The following PTPN21 variants were observed in gnomAD, a reference collection of about 807,000 sequenced individuals.
PTPN21 encodes the protein tyrosine-protein phosphatase non-receptor type 21.
A neutral mutation model predicts 131.8 loss-of-function variants in PTPN21; 77 were observed. That is an observed-to-expected ratio of 0.58 (90% CI 0.49 to 0.71). PTPN21 has a LOEUF of 0.71. PTPN21 is among the 30% of genes least tolerant of loss of function. PTPN21 has a pLI of 0.00. For missense variants in PTPN21, 1,552 were observed against 1,527.1 expected (o/e 1.02, Z -0.27); for synonymous variants, 715 against 621.3 (o/e 1.15, Z -2.24).
At chr14:88,511,016 G>T (rs1251648620) in intron 3 of PTPN21, among the ~76,000 whole-genome samples, 1 of 151,530 alleles carries the variant, frequency 6.6e-6, no homozygotes, top group East Asian at 2.0e-4. Context: ...GGACTCAAGT[G>T]ATCCTTGAGC....
chr14:88,480,373 A>C, intron 12 of PTPN21, 21 bp from the exon 13 acceptor site: 1 of 1,565,120 alleles, frequency 6.4e-7, no homozygotes, highest in Non-Finnish European at 8.8e-7. Context: ...TGAGTTCAAA[A>C]TGAGATTTTT....
In PTPN21 at chr14:88,472,325, A is replaced by G. The variant is rs2077484244; in HGVS notation, c.2790T>C (p.Val930=). ...CCACTCTCACATCATCATAAGGAAG[A>G]ACATCTTGGAATCGATTTCTTTCTG... The part of the protein sequence containing the change: ...ENAERNRFQD[V]LPYDDVRVEL... The change falls in exon 15 of 19, where the codon GTT becomes GTC. Residue 930 remains valine, a synonymous_variant. Transcript: ENST00000556564. The G allele has an allele frequency of 6.2e-7, 1 of 1,613,992 alleles. No individual in the cohort carries two copies. Among genetic ancestry groups the G allele is most frequent in the Admixed American group, 1.7e-5 (1 of 60,018 alleles).
At chr14:88,535,422 A>C (rs2078615877) in intron 2 of PTPN21, among the ~76,000 whole-genome samples, 1 of 152,192 alleles carries the variant, frequency 6.6e-6, no homozygotes, top group Non-Finnish European at 1.5e-5. Context: ...CTAGATTTGC[A>C]GGCAAAAGGC....
At chr14:88,485,686 T>G (rs1440999202) in intron 11 of PTPN21, 96 bp downstream of exon 11, 2 of 900,924 alleles carry the variant, frequency 2.2e-6, no homozygotes, top group Non-Finnish European at 3.5e-6. Flanking sequence ...TACACTTTTA[T>G]GGTTCAAACT....
chr14:88,496,511 A>T lies in PTPN21; in HGVS notation c.853-19T>A. 6.4e-7 allele frequency: 1 copy of T among 1,573,376 alleles called. No individual in the cohort carries two copies. ...TGTCTTCCTAGCAAACAAAATAGGC[A>T]TAAAGCAATATGAAAGCACACATAC... is the stretch of plus-strand genomic sequence containing the variant. On this transcript the variant is annotated intron_variant, in intron 9 of 18. Coordinates refer to ENST00000556564, the MANE Select transcript of PTPN21 (RefSeq NM_007039.4).
rs777086804 is a variant in PTPN21 at position 88,479,856 on chromosome 14, G to A, written c.1575C>T (p.Pro525=). ...SYSFHSPSPY[P]YPAERRPVVG... ...CCACGGGCCGCCGCTCGGCAGGGTA[G>A]GGGTAGGGAGACGGGCTGTGGAAGC... Residue 525 remains proline (P), a synonymous_variant, in exon 13 of 19, where the codon CCC becomes CCT. Transcript: ENST00000556564. 7 of 1,567,858 alleles carry A rather than the reference G, an allele frequency of 4.5e-6. No individual in the cohort carries two copies. The Admixed American group carries it at 6.8e-5, about 15-fold the overall frequency.
At chr14:88,531,923 T>G (rs1464939399) in intron 2 of PTPN21, among the ~76,000 whole-genome samples, 1 of 152,058 alleles carries the variant, frequency 6.6e-6, no homozygotes, top group African/African-American at 2.4e-5. Context: ...TGGGAGATAT[T>G]ACAACCAATA....
intron 6 of PTPN21, among the ~76,000 whole-genome samples, chr14:88,503,539 G>A (rs948534406): frequency 3.3e-5 from 5 of 152,104 alleles, no homozygotes; most frequent in Non-Finnish European, 7.3e-5. Context: ...GAGGACCCAC[G>A]CAACTATTCT....
intron 8 of PTPN21, 91 bp from the exon 9 acceptor site, chr14:88,497,381 G>GT: frequency 1.0e-6 from 1 of 988,722 alleles, no homozygotes; most frequent in East Asian, 2.4e-5. Flanking sequence ...AGCCTGACGT[G>GT]TAAGTTAGCA....
At chr14:88,506,396 G>GA (rs1459161304) in intron 4 of PTPN21, among the ~76,000 whole-genome samples, 5 of 151,888 alleles carry the variant, frequency 3.3e-5, no homozygotes, top group African/African-American at 7.2e-5. Flanking sequence ...ATGTAAAAAT[G>GA]AAAAAAATAA....
intron 12 of PTPN21, among the ~76,000 whole-genome samples, chr14:88,483,151 G>C (rs571522037): frequency 4.0e-5 from 6 of 150,060 alleles, no homozygotes; most frequent in African/African-American, 1.5e-4. Flanking sequence ...GGCAGGGCTT[G>C]CAGTGAGCCG....
chr14:88,504,308 C>T (rs2078056394), intron 6 of PTPN21, 117 bp downstream of exon 6: 1 of 832,156 alleles, frequency 1.2e-6, no homozygotes, highest in Non-Finnish European at 1.9e-6. Context: ...CAGTAATGTT[C>T]CAAATTTAGT....
chr14:88,479,176 G>T lies in PTPN21; in HGVS notation c.2255C>A (p.Ala752Asp). 1 of 1,555,088 alleles carries T rather than the reference G, an allele frequency of 6.4e-7. No individual in the cohort carries two copies. Among genetic ancestry groups the T allele is most frequent in the Non-Finnish European group, 8.7e-7 (1 of 1,154,112 alleles). ...GGGCTCCAGGATGTGCAGGGGCCCGGCGAGCAGGACGCGAGGGCAGCCAGG... is the reference window on the plus strand; with the variant it reads ...GGGCTCCAGGATGTGCAGGGGCCCGTCGAGCAGGACGCGAGGGCAGCCAGG... Reference protein sequence around the residue: ...DPPGCPRVLLAGPLHILEPKA... With the variant: ...DPPGCPRVLLDGPLHILEPKA... The change falls in exon 13 of 19, where the codon GCC becomes GAC. Residue 752 changes from alanine to aspartate, a missense_variant. Ala to Asp is a moderately radical substitution (Grantham distance 126). Transcript: ENST00000556564.
chr14:88,489,300 G>A lies in PTPN21; in HGVS notation c.933-3458C>T, dbSNP rs540195451. Among the ~76,000 whole-genome samples the A allele has an allele frequency of 3.9e-5, 6 of 152,256 alleles. No individual in the cohort carries two copies. The East Asian group carries it at 9.7e-4, about 24-fold the overall frequency. On this transcript the variant is annotated intron_variant, in intron 10 of 18. Coordinates refer to ENST00000556564, the MANE Select transcript of PTPN21 (RefSeq NM_007039.4). ...AAGTTTCCTTTCTTATACGATGTAA[G>A]GGAGTTAAGATTTTGATAAACAAAA...
chr14:88,509,472 T>A (rs899440502), intron 3 of PTPN21, among the ~76,000 whole-genome samples: 7 of 152,222 alleles, frequency 4.6e-5, no homozygotes, highest in African/African-American at 1.7e-4. Context: ...CCAAAGAACC[T>A]GACCAAAACA....
intron 1 of PTPN21, chr14:88,551,117 G>C (rs1459292681): frequency 1.3e-5 from 2 of 152,208 alleles, no homozygotes; most frequent in Non-Finnish European, 2.9e-5. Flanking sequence ...AAGAAAGGCA[G>C]GTGTGTGATT....
chr14:88,520,833 TA>T (rs2078378716), intron 2 of PTPN21, among the ~76,000 whole-genome samples: 1 of 152,216 alleles, frequency 6.6e-6, no homozygotes. Flanking sequence ...TACATTTTCC[TA>T]TTAGAAAACC....
chr14:88,506,577 C>T (rs1372147735), intron 4 of PTPN21, among the ~76,000 whole-genome samples: 1 of 152,064 alleles, frequency 6.6e-6, no homozygotes, highest in Non-Finnish European at 1.5e-5. Flanking sequence ...CGCACCCAGC[C>T]ATCTTTATCT....
chr14:88,527,212 GTTCT>G (rs774166158), intron 2 of PTPN21, among the ~76,000 whole-genome samples: 1 of 152,150 alleles, frequency 6.6e-6, no homozygotes, highest in Non-Finnish European at 1.5e-5. Flanking sequence ...TCTACTTTTA[GTTCT>G]TTAAGGAAGC....
Sources: gnomAD v4.1 joint callset for allele counts (sites outside exome capture counted in the v4.1 genomes callset) on GRCh38, gnomAD v4.1.1 for gene constraint, MANE v1.5 for transcripts, NCBI Gene and HGNC (gene_info 2026-07-23, HGNC 2026-07-21) for gene names.